The following NFIC variants were observed in gnomAD, a reference collection of about 807,000 sequenced individuals.
NFIC encodes nuclear factor I C.
In NFIC, 12 loss-of-function variants were observed where a neutral mutation model predicts 54.4. The observed-to-expected ratio is 0.22, with a 90% CI of 0.14 to 0.36. The LOEUF (loss-of-function observed/expected upper bound fraction) is 0.36, where lower values mean the gene tolerates loss of function less well. Ranked by LOEUF, NFIC falls within the 10% of genes least tolerant of loss-of-function variation. The probability of loss-of-function intolerance (pLI) is 1.00; values close to 1 mark genes in which losing one functional copy is unlikely to be tolerated. For synonymous variants in NFIC, 322 were observed against 319.2 expected, an observed-to-expected ratio of 1.01 and a Z score of -0.09; for missense variants, 575 against 718.2, an observed-to-expected ratio of 0.80 and a Z score of 2.28.
At chr19:3,416,712 C>T (rs1482786658) in intron 2 of NFIC, among the ~76,000 whole-genome samples, 6 of 151,136 alleles carry the variant, frequency 4.0e-5, no homozygotes, top group East Asian at 2.0e-4. Context: ...TTAGTAGAGA[C>T]GGGGTTTCTC....
At chr19:3,426,931 T>G (rs2082036498) in intron 3 of NFIC, among the ~76,000 whole-genome samples, 1 of 150,782 alleles carries the variant, frequency 6.6e-6, no homozygotes, top group Admixed American at 6.6e-5. Context: ...CAATCTTTTT[T>G]TTTTTTTTTT....
chr19:3,381,843 G>A lies in NFIC; in HGVS notation c.162G>A (p.Glu54=), dbSNP rs2081215293. 1 of 1,614,042 alleles carries A rather than the reference G, an allele frequency of 6.2e-7. No individual in the cohort carries two copies. Among genetic ancestry groups the A allele is most frequent in the Non-Finnish European group, 8.5e-7 (1 of 1,179,974 alleles). Residue 54 remains glutamate, a synonymous_variant, in exon 2 of 11, where the codon GAG becomes GAA. Coordinates refer to ENST00000443272, the MANE Select transcript of NFIC (RefSeq NM_001245002.2). ...AGAAGCGGATGTCGAAGGACGAGGA[G>A]CGTGCGGTCAAGGACGAGCTGCTGG... ...KHEKRMSKDE[E]RAVKDELLGE...
intron 6 of NFIC, 41 bp downstream of exon 6, chr19:3,435,248 A>G: frequency 6.6e-7 from 1 of 1,523,830 alleles, no homozygotes; most frequent in Non-Finnish European, 8.9e-7. Context: ...TTCCGGTCTG[A>G]GTCACCGTGG....
chr19:3,394,163 A>G (rs1377376222), intron 2 of NFIC, among the ~76,000 whole-genome samples: 1 of 151,950 alleles, frequency 6.6e-6, no homozygotes, highest in African/African-American at 2.4e-5. Flanking sequence ...TACTATTGCA[A>G]TCCATAAACA....
At position 3,459,063 on chromosome 19, in the gene NFIC, C is replaced by T. The variant is rs1268613508; in HGVS notation, c.1509+2428C>T. On this transcript the variant is annotated intron_variant, in intron 10 of 10. Transcript: ENST00000443272. The surrounding 1 kb of genome is among the most constrained non-coding windows in gnomAD (Gnocchi z 4.2). Reference sequence around the variant, plus strand: ...GAGATCCCGCTCTCCCCTCTCCCAGCTCCCGCTCAAAGGGCCCTGAGCTTG... The same window carrying T: ...GAGATCCCGCTCTCCCCTCTCCCAGTTCCCGCTCAAAGGGCCCTGAGCTTG... Among the ~76,000 whole-genome samples the T allele has an allele frequency of 6.6e-6, 1 of 152,138 alleles. No homozygotes were observed. The highest frequency in any genetic ancestry group is 1.5e-5 in the Non-Finnish European group (1 of 68,006).
At chr19:3,427,168 C>CA (rs2082040325) in intron 3 of NFIC, among the ~76,000 whole-genome samples, 1 of 152,196 alleles carries the variant, frequency 6.6e-6, no homozygotes, top group Admixed American at 6.6e-5. Context: ...CCCTGTGATG[C>CA]ACCCGCCTCG....
At chr19:3,456,681 A>G in intron 10 of NFIC, 46 bp downstream of exon 10, 1 of 881,916 alleles carries the variant, frequency 1.1e-6, no homozygotes, top group Non-Finnish European at 1.8e-6. Context: ...GGCAGGGCAG[A>G]GGGGCCGGCC....
At position 3,453,885 on chromosome 19, in the gene NFIC, C is replaced by T. The variant is rs754573292; in HGVS notation, c.1392C>T (p.Ser464=). ...LPPATKPATT[S]EGGATSPTSP... ...CTGCCACCAAACCCGCCACCACCTC[C>T]GAGGGAGGAGCCACGTCGCCGACCT... is the stretch of plus-strand genomic sequence containing the variant. The change falls in exon 9 of 11, where the codon TCC becomes TCT. Residue 464 remains serine, a synonymous_variant. Transcript: ENST00000443272. This position sits in a 1 kb window ranked among gnomAD's most constrained non-coding sequence, Gnocchi z 6.7. 203 of 1,556,570 alleles carry T rather than the reference C, an allele frequency of 1.3e-4. No individual in the cohort carries two copies. In the African/African-American group the frequency reaches 2.3e-3, roughly 18 times the overall value.
chr19:3,394,493 T>C (rs1469307219), intron 2 of NFIC, among the ~76,000 whole-genome samples: 2 of 133,526 alleles, frequency 1.5e-5, no homozygotes, highest in Admixed American at 1.5e-4. Flanking sequence ...AAAAAAGTTA[T>C]CGAGGTATTT....
In NFIC at chr19:3,449,149, A is replaced by G; in HGVS notation, c.1084+10A>G. 2 of 1,607,936 alleles carry G rather than the reference A, an allele frequency of 1.2e-6. No individual in the cohort carries two copies. Among genetic ancestry groups the G allele is most frequent in the Non-Finnish European group, 8.5e-7 (1 of 1,177,232 alleles). On this transcript the variant is annotated intron_variant, in intron 7 of 10. Transcript: ENST00000443272. ...ATCGCCGTGCACAGCGGTAAGCGCCACGGGCCCCTGGCGGGGAGGGGCGGC... is the reference window on the plus strand; with the variant it reads ...ATCGCCGTGCACAGCGGTAAGCGCCGCGGGCCCCTGGCGGGGAGGGGCGGC...
At chr19:3,365,918 G>T (rs1051315907), upstream of NFIC, among the ~76,000 whole-genome samples, 2 of 152,208 alleles carry the variant, frequency 1.3e-5, no homozygotes, top group Non-Finnish European at 2.9e-5. Flanking sequence ...GCCTGGCTCT[G>T]GGGGGAGAAG....
At chr19:3,386,114 T>C (rs1042852615) in intron 2 of NFIC, among the ~76,000 whole-genome samples, 2 of 150,420 alleles carry the variant, frequency 1.3e-5, no homozygotes, top group African/African-American at 4.9e-5. Context: ...CGGCTGGGTG[T>C]GGTGGCTCAT....
At chr19:3,410,465 A>C (rs1366784449) in intron 2 of NFIC, 1 of 152,278 alleles carries the variant, frequency 6.6e-6, no homozygotes, top group Non-Finnish European at 1.5e-5. Context: ...GCCCTGAGGC[A>C]GGACCATGCC....
intron 6 of NFIC, among the ~76,000 whole-genome samples, chr19:3,444,658 G>T (rs2082344985): frequency 6.6e-6 from 1 of 152,246 alleles, no homozygotes; most frequent in Non-Finnish European, 1.5e-5. Flanking sequence ...TGCCTGCAGG[G>T]ATGTGGCGGC....
rs539548290 is a variant in NFIC, at chr19:3,375,785, C to T, written c.31-5927C>T. On this transcript the variant is annotated intron_variant, in intron 1 of 10. Coordinates refer to ENST00000443272, the MANE Select transcript of NFIC (RefSeq NM_001245002.2). This position sits in a 1 kb window ranked among gnomAD's most constrained non-coding sequence, Gnocchi z 4.6. ...CACGGCCGGAGGTGGCCCAAGGGGA[C>T]GTGGAGCACAGAGCAGGGAGGGTGA... 2.6e-5 allele frequency among the ~76,000 whole-genome samples: 4 copies of T among 152,276 alleles called. No individual in the cohort carries two copies. The East Asian group carries it at 7.7e-4, about 29-fold the overall frequency.
At chr19:3,406,557 C>T (rs2081652322) in intron 2 of NFIC, among the ~76,000 whole-genome samples, 1 of 152,170 alleles carries the variant, frequency 6.6e-6, no homozygotes, top group East Asian at 1.9e-4. Context: ...TGCTCTGTCC[C>T]CAGTACCTAG....
At chr19:3,406,713 GAC>G (rs1052789807) in intron 2 of NFIC, among the ~76,000 whole-genome samples, 2 of 151,986 alleles carry the variant, frequency 1.3e-5, no homozygotes, top group African/African-American at 4.8e-5. Flanking sequence ...AACGTAACTG[GAC>G]ACACACGGGA....
Position 3,467,866 on chromosome 19 carries a change from C to A in NFIC, c.*5097C>A, listed in dbSNP as rs1205419514. ...CTTGGTCTGGATTCTCTCTCTGAGA[C>A]CCCGGATTTTACTTTCTCTTTGGAG... On this transcript the variant is annotated 3_prime_UTR_variant, in exon 11 of 11. Transcript: ENST00000443272. The A allele has an allele frequency of 6.7e-6, 1 of 148,564 alleles. No homozygotes were observed. The highest frequency in any genetic ancestry group is 1.5e-5 in the Non-Finnish European group (1 of 67,560). 9.2% of individuals were successfully genotyped at this position (148,564 alleles called of 1,614,324 possible).
chr19:3,376,675 A>G (rs1401368781), intron 1 of NFIC, among the ~76,000 whole-genome samples: 1 of 152,118 alleles, frequency 6.6e-6, no homozygotes, highest in Non-Finnish European at 1.5e-5. Context: ...TCAGGGCCCA[A>G]GTGACCTAAG....
Sources: allele counts gnomAD v4.1 joint callset (sites outside exome capture counted in the v4.1 genomes callset), GRCh38; gene constraint gnomAD v4.1.1; non-coding constraint Gnocchi (gnomAD v3.1); transcripts MANE v1.5; gene names NCBI Gene and HGNC (gene_info 2026-07-23, HGNC 2026-07-21).